Variants in OSBPL6 observed in about 807,000 individuals in gnomAD.
The protein encoded by OSBPL6 is oxysterol-binding protein-related protein 6.
Under a neutral mutation model 125.8 loss-of-function variants are expected in OSBPL6, and 49 were observed. The ratio of observed to expected loss-of-function variants is 0.39; its 90% confidence interval spans 0.31 to 0.49. The LOEUF (loss-of-function observed/expected upper bound fraction) is 0.49, where lower values mean the gene tolerates loss of function less well. OSBPL6 is among the 20% of genes least tolerant of loss of function. The probability of loss-of-function intolerance (pLI) is 0.88; values close to 1 mark genes in which losing one functional copy is unlikely to be tolerated. For missense variants in OSBPL6, 986 were observed against 1,135.4 expected (o/e 0.87, Z 1.89); for synonymous variants, 394 against 391.8 (o/e 1.01, Z -0.07).
At chr2:178,226,495 AT>A (rs1292591831) in intron 1 of OSBPL6, among the ~76,000 whole-genome samples, 3 of 152,230 alleles carry the variant, frequency 2.0e-5, no homozygotes, top group African/African-American at 7.2e-5. Flanking sequence ...TCCCTGTTCT[AT>A]AAGGATCTCC....
chr2:178,242,396 C>G (rs1054316277), intron 1 of OSBPL6, among the ~76,000 whole-genome samples: 1 of 152,204 alleles, frequency 6.6e-6, no homozygotes. Context: ...ATTCCCACAT[C>G]TCTCTTGGCT....
intron 1 of OSBPL6, among the ~76,000 whole-genome samples, chr2:178,218,633 C>CTTTT (rs10699137): frequency 7.3e-5 from 10 of 137,388 alleles, no homozygotes; most frequent in African/African-American, 8.3e-5. Context: ...TTCTTTCTTT[C>CTTTT]TTTTTTTTTT....
chr2:178,278,791 A>G (rs1041739204), intron 1 of OSBPL6, among the ~76,000 whole-genome samples: 2 of 152,226 alleles, frequency 1.3e-5, no homozygotes, highest in African/African-American at 4.8e-5. Flanking sequence ...TTCTTGTCTA[A>G]ACATTGCTGC....
At chr2:178,227,574 A>G (rs1220985887) in intron 1 of OSBPL6, among the ~76,000 whole-genome samples, 1 of 152,246 alleles carries the variant, frequency 6.6e-6, no homozygotes, top group African/African-American at 2.4e-5. Context: ...GAGTGGTTGG[A>G]TAAACTGTGG....
chr2:178,330,620 G>T (rs1170335316), intron 5 of OSBPL6, among the ~76,000 whole-genome samples: 1 of 152,174 alleles, frequency 6.6e-6, no homozygotes, highest in Admixed American at 6.5e-5. Flanking sequence ...ACTCACAGAA[G>T]GCCACTGTAC....
intron 5 of OSBPL6, among the ~76,000 whole-genome samples, chr2:178,331,282 C>T (rs1304629544): frequency 6.6e-6 from 1 of 152,140 alleles, no homozygotes; most frequent in African/African-American, 2.4e-5. Flanking sequence ...TCCTCAGATT[C>T]CTCCCCTGTT....
intron 15 of OSBPL6, among the ~76,000 whole-genome samples, chr2:178,381,456 C>G (rs764478208): frequency 6.6e-6 from 1 of 152,104 alleles, no homozygotes; most frequent in African/African-American, 2.4e-5. Flanking sequence ...TGGGTTCAAG[C>G]GATTCTCCTG....
At chr2:178,201,054 A>G (rs993866956) in intron 1 of OSBPL6, among the ~76,000 whole-genome samples, 1 of 152,174 alleles carries the variant, frequency 6.6e-6, no homozygotes, top group African/African-American at 2.4e-5. Flanking sequence ...TCAGCCTCCA[A>G]AAGTGCTGGG....
intron 1 of OSBPL6, among the ~76,000 whole-genome samples, chr2:178,199,071 C>T (rs1419502924): frequency 6.6e-6 from 1 of 152,116 alleles, no homozygotes; most frequent in Non-Finnish European, 1.5e-5. Context: ...ATCATATATC[C>T]ATTGGATGTT....
At chr2:178,371,780 T>G (rs1413740501) in intron 13 of OSBPL6, among the ~76,000 whole-genome samples, 1 of 152,278 alleles carries the variant, frequency 6.6e-6, no homozygotes, top group East Asian at 1.9e-4. Context: ...AACAATAGTT[T>G]TCATCACAGG....
chr2:178,222,640 C>T (rs780075321), intron 1 of OSBPL6, among the ~76,000 whole-genome samples: 24 of 151,938 alleles, frequency 1.6e-4, no homozygotes, highest in Non-Finnish European at 3.2e-4. Flanking sequence ...GAGCAAGACT[C>T]GTCTCAAAAA....
intron 1 of OSBPL6, among the ~76,000 whole-genome samples, chr2:178,275,691 C>T (rs1035618586): frequency 1.4e-5 from 2 of 147,342 alleles, no homozygotes; most frequent in Non-Finnish European, 3.0e-5. Flanking sequence ...GGCCTCAAAG[C>T]GAGACAAGGT....
At chr2:178,267,477 T>G (rs939297472) in intron 1 of OSBPL6, among the ~76,000 whole-genome samples, 10 of 151,890 alleles carry the variant, frequency 6.6e-5, no homozygotes, top group African/African-American at 2.2e-4. Flanking sequence ...TATTATAGGA[T>G]GAAAAGAAAA....
At chr2:178,200,259 T>TC in intron 1 of OSBPL6, among the ~76,000 whole-genome samples, 1 of 146,732 alleles carries the variant, frequency 6.8e-6, no homozygotes, top group East Asian at 1.9e-4. Context: ...TTTTTTTTTT[T>TC]TTTTTTTTTT....
chr2:178,394,336 A>G lies in OSBPL6; in HGVS notation c.2597A>G (p.Glu866Gly). The G allele has an allele frequency of 6.2e-7, 1 of 1,613,238 alleles. No individual in the cohort carries two copies. Among genetic ancestry groups the G allele is most frequent in the Non-Finnish European group, 8.5e-7 (1 of 1,179,766 alleles). The change falls in exon 24 of 25, where the codon GAA becomes GGA. Residue 866 changes from glutamate to glycine, a missense_variant. Physicochemically the swap from Glu to Gly is moderately conservative, Grantham distance 98. Coordinates refer to ENST00000190611, the MANE Select transcript of OSBPL6 (RefSeq NM_032523.4). ...DQRFLEEGNL[E>G]AAASEKQRVE... ...AGATTTTTGGAAGAAGGAAATTTAG[A>G]AGCTGCAGCATCAGAGAAGCAAAGA...
intron 1 of OSBPL6, among the ~76,000 whole-genome samples, chr2:178,278,274 T>C (rs1426618837): frequency 1.3e-5 from 2 of 152,244 alleles, no homozygotes; most frequent in African/African-American, 4.8e-5. Flanking sequence ...TATTTTGCTT[T>C]TGTAACTTAA....
chr2:178,346,003 C>T (rs1403961313), intron 11 of OSBPL6, among the ~76,000 whole-genome samples: 1 of 151,772 alleles, frequency 6.6e-6, no homozygotes, highest in Non-Finnish European at 1.5e-5. Context: ...AACTTTGCAG[C>T]ATGTAGTAAG....
At chr2:178,238,238 C>G (rs1448606844) in intron 1 of OSBPL6, among the ~76,000 whole-genome samples, 3 of 152,178 alleles carry the variant, frequency 2.0e-5, no homozygotes, top group Non-Finnish European at 4.4e-5. Context: ...TTAAATTACT[C>G]TCCATTCTAA....
At chr2:178,199,232 G>A (rs2089097102) in intron 1 of OSBPL6, among the ~76,000 whole-genome samples, 1 of 152,192 alleles carries the variant, frequency 6.6e-6, no homozygotes, top group Admixed American at 6.5e-5. Context: ...GAGCTTTCAT[G>A]TGTCAGTATC....
Sources: allele counts gnomAD v4.1 joint callset (sites outside exome capture counted in the v4.1 genomes callset), GRCh38; gene constraint gnomAD v4.1.1; transcripts MANE v1.5; gene names NCBI Gene and HGNC (gene_info 2026-07-23, HGNC 2026-07-21).